NELL1: variants seen among roughly 807,000 people sequenced by gnomAD.
The protein encoded by NELL1 is protein kinase C-binding protein NELL1.
In NELL1, 76 loss-of-function variants were observed where a neutral mutation model predicts 107.4. That is an observed-to-expected ratio of 0.71 (90% CI 0.59 to 0.86). The LOEUF is 0.86. Among genes scored for constraint, NELL1 ranks in the 40% least tolerant of loss-of-function variants. The probability of loss-of-function intolerance (pLI) is 0.00; values close to 1 mark genes in which losing one functional copy is unlikely to be tolerated. For synonymous variants in NELL1, 353 were observed against 341.2 expected, an observed-to-expected ratio of 1.03 and a Z score of -0.38; for missense variants, 1,024 against 1,005.5, an observed-to-expected ratio of 1.02 and a Z score of -0.25.
intron 15 of NELL1, among the ~76,000 whole-genome samples, chr11:21,460,103 G>T (rs1458207522): frequency 3.3e-5 from 5 of 152,042 alleles, no homozygotes; most frequent in Non-Finnish European, 7.4e-5. Flanking sequence ...ATGGGATAGG[G>T]GTTGTTTACT....
intron 15 of NELL1, among the ~76,000 whole-genome samples, chr11:21,390,078 C>T (rs550681289): frequency 1.4e-4 from 21 of 151,644 alleles, no homozygotes; most frequent in Non-Finnish European, 2.7e-4. Context: ...TTATTACCTG[C>T]CTTTTTCATT....
At chr11:21,387,314 G>A (rs1851769360) in intron 15 of NELL1, among the ~76,000 whole-genome samples, 1 of 151,650 alleles carries the variant, frequency 6.6e-6, no homozygotes, top group African/African-American at 2.4e-5. Flanking sequence ...CACCATTAAA[G>A]ACACTAAAAG....
chr11:21,124,836 G>C (rs1381324411), intron 13 of NELL1, among the ~76,000 whole-genome samples: 3 of 151,938 alleles, frequency 2.0e-5, no homozygotes, highest in African/African-American at 7.3e-5. Flanking sequence ...CCCAACCTCA[G>C]GTGATCTGCC....
At chr11:20,943,425 T>C (rs534992938) in intron 10 of NELL1, among the ~76,000 whole-genome samples, 34 of 151,696 alleles carry the variant, frequency 2.2e-4, no homozygotes, top group Non-Finnish European at 5.0e-4. Context: ...TCTACTAAAA[T>C]ACAAAAAATT....
At chr11:20,840,316 TAG>T (rs1848598151) in intron 3 of NELL1, among the ~76,000 whole-genome samples, 2 of 152,298 alleles carry the variant, frequency 1.3e-5, no homozygotes, top group South Asian at 4.1e-4. Context: ...TACCTGAAGT[TAG>T]AGTGTTCCAG....
intron 15 of NELL1, among the ~76,000 whole-genome samples, chr11:21,458,856 T>C (rs1853820549): frequency 6.6e-6 from 1 of 152,112 alleles, no homozygotes; most frequent in South Asian, 2.1e-4. Context: ...AAGAGAATTT[T>C]TTTCTGTTAA....
chr11:20,739,853 C>T (rs774910834), intron 2 of NELL1, among the ~76,000 whole-genome samples: 3 of 152,108 alleles, frequency 2.0e-5, no homozygotes, highest in Non-Finnish European at 4.4e-5. Flanking sequence ...TCTGGAAGCA[C>T]GGTTTTTAAA....
intron 16 of NELL1, among the ~76,000 whole-genome samples, chr11:21,548,058 A>T (rs1267457845): frequency 6.6e-6 from 1 of 151,916 alleles, no homozygotes; most frequent in Non-Finnish European, 1.5e-5. Context: ...TGAGAGTAGC[A>T]TTATCAAACT....
intron 12 of NELL1, among the ~76,000 whole-genome samples, chr11:21,092,420 G>T (rs565755267): frequency 6.6e-6 from 1 of 152,120 alleles, no homozygotes; most frequent in African/African-American, 2.4e-5. Flanking sequence ...AATGAATAAA[G>T]ATACTATTAC....
rs1457530267 is a variant in NELL1 at position 20,721,217 on chromosome 11, T to G, written c.184+43157T>G. Among the ~76,000 whole-genome samples the G allele has an allele frequency of 2.2e-3, 247 of 111,084 alleles. 3 individuals are homozygous for G. Among genetic ancestry groups the G allele is most frequent in the African/African-American group, 8.8e-3 (224 of 25,484 alleles). The allele number at this position is 111,084 out of a possible 152,430, so 72.9% of individuals were successfully genotyped here. A position where few individuals can be genotyped will look rare whatever the true frequency, so the allele number is the denominator to read the frequency against. ...TATATAGTGTATATATATATTTTGT[T>G]TATATATATATTTTGTTTATATATA... On this transcript the variant is annotated intron_variant, in intron 2 of 19. Coordinates refer to ENST00000357134, the MANE Select transcript of NELL1 (RefSeq NM_006157.5).
chr11:20,742,001 G>A (rs1040674723), intron 2 of NELL1, among the ~76,000 whole-genome samples: 1 of 152,208 alleles, frequency 6.6e-6, no homozygotes, highest in African/African-American at 2.4e-5. Flanking sequence ...AGACACTGAT[G>A]CTGCAGGTCT....
At chr11:21,491,256 A>T (rs1854799761) in intron 15 of NELL1, among the ~76,000 whole-genome samples, 1 of 152,066 alleles carries the variant, frequency 6.6e-6, no homozygotes, top group African/African-American at 2.4e-5. Context: ...GGTGTTTTAG[A>T]CATGAAGTCC....
intron 7 of NELL1, among the ~76,000 whole-genome samples, chr11:20,924,280 C>G (rs1850443213): frequency 6.6e-6 from 1 of 152,136 alleles, no homozygotes; most frequent in Non-Finnish European, 1.5e-5. Context: ...CAAGAGGTTA[C>G]ATGAAGTTCT....
chr11:21,094,332 C>T (rs1413219410), intron 12 of NELL1, among the ~76,000 whole-genome samples: 1 of 152,224 alleles, frequency 6.6e-6, no homozygotes, highest in Non-Finnish European at 1.5e-5. Context: ...TACAGCCTCC[C>T]TCCAGGCTGC....
At chr11:21,558,004 A>T (rs1371500313) in intron 16 of NELL1, among the ~76,000 whole-genome samples, 1 of 152,050 alleles carries the variant, frequency 6.6e-6, no homozygotes, top group Non-Finnish European at 1.5e-5. Flanking sequence ...GGAATGCAGG[A>T]TAGAATTGTG....
chr11:21,372,435 A>G (rs1451096515), intron 15 of NELL1, among the ~76,000 whole-genome samples: 1 of 152,044 alleles, frequency 6.6e-6, no homozygotes, highest in Non-Finnish European at 1.5e-5. Context: ...ATTTGCAATA[A>G]TTGTTAGGAT....
At chr11:21,448,367 C>A (rs1945410) in intron 15 of NELL1, among the ~76,000 whole-genome samples, 61,966 of 151,912 alleles carry the variant, frequency 0.41, 13,635 homozygotes, top group East Asian at 0.49. Context: ...TTTGTGTTTT[C>A]TTCACATTTT....
chr11:21,220,833 C>A (rs919405971), intron 13 of NELL1, among the ~76,000 whole-genome samples: 4 of 152,058 alleles, frequency 2.6e-5, no homozygotes, highest in African/African-American at 9.7e-5. Context: ...ATTTGACTTC[C>A]TTTTTTCCTA....
chr11:21,387,930 A>G (rs926992063), intron 15 of NELL1, among the ~76,000 whole-genome samples: 4 of 151,786 alleles, frequency 2.6e-5, no homozygotes, highest in African/African-American at 7.3e-5. Context: ...TCTCATAACA[A>G]TTTAATGAGG....
Sources: allele counts gnomAD v4.1 joint callset (sites outside exome capture counted in the v4.1 genomes callset), GRCh38; gene constraint gnomAD v4.1.1; transcripts MANE v1.5; gene names NCBI Gene and HGNC (gene_info 2026-07-23, HGNC 2026-07-21).